SLC25A13: variants seen among roughly 807,000 people sequenced by gnomAD.
The protein encoded by SLC25A13 is solute carrier family 25 member 13.
Under a neutral mutation model 85.5 loss-of-function variants are expected in SLC25A13, and 70 were observed. The observed-to-expected ratio is 0.82, with a 90% CI of 0.68 to 1.00. The LOEUF (loss-of-function observed/expected upper bound fraction) is 1.00, where lower values mean the gene tolerates loss of function less well. Ranked by LOEUF, SLC25A13 falls within the 50% of genes least tolerant of loss-of-function variation. The pLI is 0.00. For synonymous variants in SLC25A13, 259 were observed against 288.7 expected, an observed-to-expected ratio of 0.90 and a Z score of 1.04; for missense variants, 765 against 819.8, an observed-to-expected ratio of 0.93 and a Z score of 0.82.
intron 3 of SLC25A13, among the ~76,000 whole-genome samples, chr7:96,257,811 C>T (rs187672866): frequency 7.9e-4 from 121 of 152,234 alleles, no homozygotes; most frequent in African/African-American, 2.9e-3. Context: ...ATATGAAAAT[C>T]CTCAATAAAA....
intron 1 of SLC25A13, among the ~76,000 whole-genome samples, chr7:96,316,625 C>G (rs1800137405): frequency 6.6e-6 from 1 of 152,160 alleles, no homozygotes; most frequent in African/African-American, 2.4e-5. Context: ...ATTACTTAAC[C>G]TCCCCTAACT....
chr7:96,225,227 G>A (rs1037849298), intron 4 of SLC25A13, among the ~76,000 whole-genome samples: 11 of 151,982 alleles, frequency 7.2e-5, no homozygotes, highest in Non-Finnish European at 1.3e-4. Flanking sequence ...ATGGCCAATC[G>A]GGAGCCAAGT....
At chr7:96,286,915 C>T (rs1293583773) in intron 2 of SLC25A13, among the ~76,000 whole-genome samples, 1 of 152,224 alleles carries the variant, frequency 6.6e-6, no homozygotes, top group African/African-American at 2.4e-5. Flanking sequence ...GGTGTGAAGG[C>T]TGCAATGAAG....
chr7:96,304,756 A>G (rs1196069765), intron 1 of SLC25A13, among the ~76,000 whole-genome samples: 12 of 152,156 alleles, frequency 7.9e-5, no homozygotes, highest in African/African-American at 2.7e-4. Flanking sequence ...ATGCAACACA[A>G]TCACCTATGG....
chr7:96,300,738 C>G (rs1799520247), intron 1 of SLC25A13, among the ~76,000 whole-genome samples: 1 of 152,178 alleles, frequency 6.6e-6, no homozygotes. Flanking sequence ...CAAGATTTCT[C>G]TGAGGCCCAC....
intron 4 of SLC25A13, among the ~76,000 whole-genome samples, chr7:96,222,747 T>C (rs1052152404): frequency 1.3e-5 from 2 of 152,126 alleles, no homozygotes; most frequent in African/African-American, 2.4e-5. Flanking sequence ...CCCGGCTCTT[T>C]TTGTATTTTT....
chr7:96,291,479 T>G (rs1423567015), intron 2 of SLC25A13, among the ~76,000 whole-genome samples: 1 of 152,206 alleles, frequency 6.6e-6, no homozygotes, highest in Non-Finnish European at 1.5e-5. Context: ...CAAAAATTAA[T>G]GAATCCAGGA....
chr7:96,138,716 C>T (rs1792397956), intron 14 of SLC25A13, among the ~76,000 whole-genome samples: 1 of 152,158 alleles, frequency 6.6e-6, no homozygotes, highest in South Asian at 2.1e-4. Context: ...ATACTGTACA[C>T]ATCTTTGGTA....
At chr7:96,141,100 G>A (rs536673259) in intron 14 of SLC25A13, among the ~76,000 whole-genome samples, 10 of 144,498 alleles carry the variant, frequency 6.9e-5, no homozygotes, top group East Asian at 2.1e-4. Context: ...ATAGCTCACC[G>A]CAGCCTCGAA....
intron 3 of SLC25A13, among the ~76,000 whole-genome samples, chr7:96,274,392 T>C (rs1008888659): frequency 8.5e-5 from 13 of 152,230 alleles, no homozygotes; most frequent in African/African-American, 1.9e-4. Context: ...GAGTTCATTG[T>C]AGATTCTGGA....
chr7:96,208,145 G>A (rs1167341978), intron 5 of SLC25A13, among the ~76,000 whole-genome samples: 1 of 152,066 alleles, frequency 6.6e-6, no homozygotes, highest in African/African-American at 2.4e-5. Context: ...CCATTTCCAG[G>A]GGAAAACAAA....
chr7:96,245,166 C>T (rs775544819), intron 3 of SLC25A13, among the ~76,000 whole-genome samples: 1 of 152,186 alleles, frequency 6.6e-6, no homozygotes, highest in African/African-American at 2.4e-5. Flanking sequence ...GGATCAAGCA[C>T]ATTTGACAGG....
At chr7:96,144,162 C>T (rs765828965) in intron 14 of SLC25A13, among the ~76,000 whole-genome samples, 2 of 152,238 alleles carry the variant, frequency 1.3e-5, no homozygotes, top group African/African-American at 2.4e-5. Flanking sequence ...TGTCTGACCA[C>T]GTAAAGGTGA....
intron 3 of SLC25A13, among the ~76,000 whole-genome samples, chr7:96,261,029 T>G (rs1797833825): frequency 6.6e-6 from 1 of 152,134 alleles, no homozygotes; most frequent in African/African-American, 2.4e-5. Flanking sequence ...CTAGCTGGTC[T>G]CTTTGCTGCT....
chr7:96,204,136 A>G (rs1795370306), intron 5 of SLC25A13, among the ~76,000 whole-genome samples: 1 of 152,204 alleles, frequency 6.6e-6, no homozygotes, highest in South Asian at 2.1e-4. Flanking sequence ...TTTACCATAG[A>G]GTAGGTTTAT....
chr7:96,210,145 G>A (rs1795634950), intron 4 of SLC25A13, among the ~76,000 whole-genome samples: 1 of 152,090 alleles, frequency 6.6e-6, no homozygotes, highest in South Asian at 2.1e-4. Flanking sequence ...AGAAACAGTA[G>A]TGCCACCATT....
At chr7:96,160,501 G>T (rs1412403252) in intron 13 of SLC25A13, among the ~76,000 whole-genome samples, 1 of 152,180 alleles carries the variant, frequency 6.6e-6, no homozygotes, top group Non-Finnish European at 1.5e-5. Context: ...AGATCACAGT[G>T]CCGGCACAGT....
chr7:96,189,521 T>G, intron 8 of SLC25A13, 60 bp downstream of exon 8: 1 of 1,502,098 alleles, frequency 6.7e-7, no homozygotes, highest in Non-Finnish European at 9.2e-7. Flanking sequence ...ATTGCTGCCC[T>G]CCTCCTAACC....
chr7:96,222,264 G>GTTTATTTCAGCTCT (rs1796159704), intron 4 of SLC25A13, among the ~76,000 whole-genome samples: 1 of 152,152 alleles, frequency 6.6e-6, no homozygotes, highest in Non-Finnish European at 1.5e-5. Flanking sequence ...GGGCAAAACT[G>GTTTATTTCAGCTCT]GACCAGTTTC....
Sources: allele counts gnomAD v4.1 joint callset (sites outside exome capture counted in the v4.1 genomes callset), GRCh38; gene constraint gnomAD v4.1.1; transcripts MANE v1.5; gene names NCBI Gene and HGNC (gene_info 2026-07-23, HGNC 2026-07-21).